OXER1: variants seen among roughly 807,000 people sequenced by gnomAD.
The protein encoded by OXER1 is oxoeicosanoid receptor 1.
For missense variants in OXER1, 587 were observed against 551.7 expected, an observed-to-expected ratio of 1.06 and a Z score of -0.64; for synonymous variants, 258 against 245.8, an observed-to-expected ratio of 1.05 and a Z score of -0.47.
In OXER1 at chr2:42,763,579, G is replaced by A. The variant is rs1317657358; in HGVS notation, c.601C>T (p.Leu201=). The change falls in exon 1 of 1, where the codon CTG becomes TTG. Residue 201 remains leucine, a synonymous_variant. Transcript: ENST00000378661. This position sits in a 1 kb window ranked among gnomAD's most constrained non-coding sequence, Gnocchi z 4.4. ...GCTGCCCCCACGGAAGCACGGCTCA[G>A]CACGTGGTGGGGCTGCACCACCTTC... 2 of 1,593,996 alleles carry A rather than the reference G, an allele frequency of 1.3e-6. No homozygotes were observed. The highest frequency in any genetic ancestry group is 1.7e-6 in the Non-Finnish European group (2 of 1,170,528).
In OXER1 at chr2:42,763,736, G is replaced by A; in HGVS notation, c.444C>T (p.Arg148=). ...TCTCATGGAGGAGGTAGTAGTCCACGCGGAGGGGCAGGTTGCTGATCAGGA... is the reference window on the plus strand; with the variant it reads ...TCTCATGGAGGAGGTAGTAGTCCACACGGAGGGGCAGGTTGCTGATCAGGA... Residue 148 remains arginine (R), a synonymous_variant, in exon 1 of 1, where the codon CGC becomes CGT. Transcript: ENST00000378661. The surrounding 1 kb of genome is among the most constrained non-coding windows in gnomAD (Gnocchi z 4.4). 2.5e-6 allele frequency: 4 copies of A among 1,614,146 alleles called. No homozygotes were observed. The highest frequency in any genetic ancestry group is 2.2e-5 in the South Asian group (2 of 91,076).
exon 1 of OXER1, chr2:42,762,670 C>CGGA: frequency 1.9e-6 from 1 of 530,482 alleles, no homozygotes; most frequent in Non-Finnish European, 3.3e-6. Flanking sequence ...TGCCTGTCTC[C>CGGA]TCCACCCGGC....
At position 42,763,898 on chromosome 2, in the gene OXER1, G is replaced by A. The variant is rs780604123; in HGVS notation, c.282C>T (p.Phe94=). Reference sequence around the variant, plus strand: ...ACTCCAGGGCCAGGATTGGTGCCAGGAAGGCAGACACCAGCGAGGAAGAGG... The same window carrying A: ...ACTCCAGGGCCAGGATTGGTGCCAGAAAGGCAGACACCAGCGAGGAAGAGG... The change falls in exon 1 of 1, where the codon TTC becomes TTT. Residue 94 remains phenylalanine (F), a synonymous_variant. Transcript: ENST00000378661. The surrounding 1 kb of genome is among the most constrained non-coding windows in gnomAD (Gnocchi z 4.4). 1.9e-6 allele frequency: 3 copies of A among 1,613,988 alleles called. No individual in the cohort carries two copies. The highest frequency in any genetic ancestry group is 4.5e-5 in the East Asian group (2 of 44,870).
In OXER1 at chr2:42,763,411, A is replaced by C; in HGVS notation, c.769T>G (p.Tyr257Asp). ...AGTGGCAGGAAGAACTCCAGCAGGT[A>C]CAGTGCCTGGTGCCAGCGGAGCGAG... Residue 257 changes from tyrosine to aspartate, a missense_variant, in exon 1 of 1, where the codon TAC becomes GAC. By Grantham distance (160) the Tyr-to-Asp change is radical (BLOSUM62 -3). Coordinates refer to ENST00000378661, the Ensembl canonical transcript of OXER1. The surrounding 1 kb of genome is among the most constrained non-coding windows in gnomAD (Gnocchi z 4.4). 1 of 1,593,066 alleles carries C rather than the reference A, an allele frequency of 6.3e-7. No homozygotes were observed. Among genetic ancestry groups the C allele is most frequent in the Non-Finnish European group, 8.5e-7 (1 of 1,170,308 alleles).
rs1206939127 is a variant in OXER1 at position 42,763,373 on chromosome 2, G to C, written c.807C>G (p.Leu269=). The C allele has an allele frequency of 5.0e-6, 8 of 1,609,698 alleles. No homozygotes were observed. The East Asian group carries it at 1.3e-4, about 27-fold the overall frequency. Residue 269 remains leucine (L), a synonymous_variant, in exon 1 of 1, where the codon CTC becomes CTG. Transcript: ENST00000378661. This position sits in a 1 kb window ranked among gnomAD's most constrained non-coding sequence, Gnocchi z 4.4. ...TGAGCCCAATGCTCACAATAGCAAA[G>C]AGGATGAGCGCCAGTGGCAGGAAGA... is the stretch of plus-strand genomic sequence containing the variant.
rs756452883 is a variant in OXER1, at chr2:42,763,968, G to T, written c.212C>A (p.Ala71Asp). Residue 71 changes from alanine to aspartate, a missense_variant, in exon 1 of 1, where the codon GCC becomes GAC. By Grantham distance (126) the Ala-to-Asp change is moderately radical. Transcript: ENST00000378661. The surrounding 1 kb of genome is among the most constrained non-coding windows in gnomAD (Gnocchi z 4.4). ...AGAGGACCCCCCCACAGTGGTAAAG[G>T]CAGAGGGAGCAGAGGAGGGTGAGGG... is the stretch of plus-strand genomic sequence containing the variant. The T allele has an allele frequency of 1.2e-6, 2 of 1,613,836 alleles. No homozygotes were observed. The highest frequency in any genetic ancestry group is 1.7e-6 in the Non-Finnish European group (2 of 1,179,978).
chr2:42,762,779 T>C, exon 1 of OXER1: 1 of 1,114,972 alleles, frequency 9.0e-7, no homozygotes. Flanking sequence ...CTGCCAGTGC[T>C]TTGGCCTGGC....
chr2:42,762,995 C>A (rs574380144), exon 1 of OXER1: 1 of 1,614,016 alleles, frequency 6.2e-7, no homozygotes, highest in East Asian at 2.2e-5. Flanking sequence ...TAGAGGCCTC[C>A]CGGTAGCGCC....
At chr2:42,762,865 GGCAGCCCTTACCCCCACAGCGCT>G in exon 1 of OXER1, 1 of 1,559,868 alleles carries the variant, frequency 6.4e-7, no homozygotes, top group Non-Finnish European at 8.7e-7. Context: ...GCCAGAGCGC[GGCAGCCCTTACCCCCACAGCGCT>G]GCAGCCCTGC....
In OXER1 at chr2:42,763,955, C is replaced by A. The variant is rs148310772; in HGVS notation, c.225G>T (p.Val75=). ...GGCAGGGCCCTCCAGAGGACCCCCCCACAGTGGTAAAGGCAGAGGGAGCAG... is the reference window on the plus strand; with the variant it reads ...GGCAGGGCCCTCCAGAGGACCCCCCAACAGTGGTAAAGGCAGAGGGAGCAG... The change falls in exon 1 of 1, where the codon GTG becomes GTT. Residue 75 remains valine (V), a synonymous_variant. Coordinates refer to ENST00000378661, the Ensembl canonical transcript of OXER1. This position sits in a 1 kb window ranked among gnomAD's most constrained non-coding sequence, Gnocchi z 4.4. 3.0e-5 allele frequency: 49 copies of A among 1,613,758 alleles called. No individual in the cohort carries two copies. In the Middle Eastern group the frequency reaches 4.9e-4, roughly 16 times the overall value.
chr2:42,762,949 C>T (rs1178638753), exon 1 of OXER1: 1 of 1,613,672 alleles, frequency 6.2e-7, no homozygotes, highest in South Asian at 1.1e-5. Context: ...GAGACCTCGC[C>T]CTGCACTTTC....
At position 42,763,611 on chromosome 2, in the gene OXER1, C is replaced by T. The variant is rs745699004; in HGVS notation, c.569G>A (p.Arg190His). The change falls in exon 1 of 1, where the codon CGC becomes CAC. Residue 190 changes from arginine (R) to histidine (H), a missense_variant. Transcript: ENST00000378661. This position sits in a 1 kb window ranked among gnomAD's most constrained non-coding sequence, Gnocchi z 4.4. ...GTGGGGCTGCACCACCTTCAGGTAG[C>T]GGTTGAGTGCGATGGCTGTGAGGAA... 3.4e-5 allele frequency: 54 copies of T among 1,610,960 alleles called. No homozygotes were observed. Among genetic ancestry groups the T allele is most frequent in the Admixed American group, 2.2e-4 (13 of 59,532 alleles).
chr2:42,764,068 G>T, exon 1 of OXER1: 1 of 1,614,114 alleles, frequency 6.2e-7, no homozygotes, highest in South Asian at 1.1e-5. Flanking sequence ...TCCATGGGCT[G>T]CTTGGGCCAT....
In OXER1 at chr2:42,763,490, G is replaced by T. The variant is rs1438631834; in HGVS notation, c.690C>A (p.Ser230Arg). 1 of 1,556,168 alleles carries T rather than the reference G, an allele frequency of 6.4e-7. No individual in the cohort carries two copies. Among genetic ancestry groups the T allele is most frequent in the South Asian group, 1.2e-5 (1 of 84,802 alleles). ...TGAGGCAGGAGGGGCCGGAGAAGGT[G>T]CTCAGGAGCAGGTGCCCGTTGAGGA... The change falls in exon 1 of 1, where the codon AGC (serine) becomes AGA (arginine). Residue 230 changes from serine (S) to arginine (R), a missense_variant. Coordinates refer to ENST00000378661, the Ensembl canonical transcript of OXER1. The surrounding 1 kb of genome is among the most constrained non-coding windows in gnomAD (Gnocchi z 4.4).
Position 42,763,580 on chromosome 2 carries a change from C to T in OXER1, c.600G>A (p.Val200=), listed in dbSNP as rs562285832. ...CTGCCCCCACGGAAGCACGGCTCAG[C>T]ACGTGGTGGGGCTGCACCACCTTCA... Residue 200 remains valine (V), a synonymous_variant, in exon 1 of 1, where the codon GTG becomes GTA. Transcript: ENST00000378661. This position sits in a 1 kb window ranked among gnomAD's most constrained non-coding sequence, Gnocchi z 4.4. 3.1e-6 allele frequency: 5 copies of T among 1,594,878 alleles called. No homozygotes were observed. Among genetic ancestry groups the T allele is most frequent in the East Asian group, 4.6e-5 (2 of 43,612 alleles).
At position 42,763,109 on chromosome 2, in the gene OXER1, G is replaced by A. The variant is rs369004247; in HGVS notation, c.1071C>T (p.Phe357=). The change falls in exon 1 of 1, where the codon TTC becomes TTT. Residue 357 remains phenylalanine, a synonymous_variant. Transcript: ENST00000378661. The surrounding 1 kb of genome is among the most constrained non-coding windows in gnomAD (Gnocchi z 4.4). ...TCTGGTGGAGGAAGTTGGGGCTAGA[G>A]AAGCAGTAGAGCACGGGGTCCAGGA... 2.4e-5 allele frequency: 39 copies of A among 1,614,208 alleles called. No homozygotes were observed. In the African/African-American group the frequency reaches 4.1e-4, roughly 17 times the overall value.
chr2:42,763,961 G>A lies in OXER1; in HGVS notation c.219C>T (p.Thr73=), dbSNP rs1670562058. Residue 73 remains threonine, a synonymous_variant, in exon 1 of 1, where the codon ACC becomes ACT. Transcript: ENST00000378661. The surrounding 1 kb of genome is among the most constrained non-coding windows in gnomAD (Gnocchi z 4.4). The stretch of plus-strand genomic sequence containing the variant: ...GCCCTCCAGAGGACCCCCCCACAGT[G>A]GTAAAGGCAGAGGGAGCAGAGGAGG... 6.2e-7 allele frequency: 1 copy of A among 1,613,728 alleles called. No individual in the cohort carries two copies. The highest frequency in any genetic ancestry group is 8.5e-7 in the Non-Finnish European group (1 of 1,179,966).
chr2:42,763,166 A>T lies in OXER1; in HGVS notation c.1014T>A (p.His338Gln), dbSNP rs1261746167. The T allele has an allele frequency of 4.3e-6, 7 of 1,613,756 alleles. No homozygotes were observed. The highest frequency in any genetic ancestry group is 5.9e-6 in the Non-Finnish European group (7 of 1,179,734). Residue 338 changes from histidine (H) to glutamine (Q), a missense_variant, in exon 1 of 1, where the codon CAT (histidine) becomes CAA (glutamine). By Grantham distance (24) the His-to-Gln change is conservative (BLOSUM62 0). Transcript: ENST00000378661. The surrounding 1 kb of genome is among the most constrained non-coding windows in gnomAD (Gnocchi z 4.4). Reference sequence around the variant, plus strand: ...TGAGGTAGGTGAAGGCCAGGGAGCCATGGAAGAGCTGTGTGCAGAGGTCCA... The same window carrying T: ...TGAGGTAGGTGAAGGCCAGGGAGCCTTGGAAGAGCTGTGTGCAGAGGTCCA...
In OXER1 at chr2:42,763,541, G is replaced by A. The variant is rs1440125494; in HGVS notation, c.639C>T (p.Ala213=). The change falls in exon 1 of 1, where the codon GCC becomes GCT. Residue 213 remains alanine, a synonymous_variant. Transcript: ENST00000378661. This position sits in a 1 kb window ranked among gnomAD's most constrained non-coding sequence, Gnocchi z 4.4. ...GCAGGATGCCCACCCAGAGTCCCCC[G>A]GCCACCCGGGCAGCTGCCCCCACGG... is the stretch of plus-strand genomic sequence containing the variant. 7.0e-6 allele frequency: 11 copies of A among 1,560,986 alleles called. No homozygotes were observed. The highest frequency in any genetic ancestry group is 3.5e-5 in the South Asian group (3 of 85,154).
Sources: allele counts gnomAD v4.1 joint callset, GRCh38; gene constraint gnomAD v4.1.1; non-coding constraint Gnocchi (gnomAD v3.1); transcripts MANE v1.5; gene names NCBI Gene and HGNC (gene_info 2026-07-23, HGNC 2026-07-21).